Variants in HIVEP1 observed in about 807,000 individuals in gnomAD.
HIVEP1 encodes the protein HIVEP zinc finger 1, also known as zinc finger protein 40.
In HIVEP1, 36 loss-of-function variants were observed where a neutral mutation model predicts 180.0. The observed-to-expected ratio is 0.20, with a 90% CI of 0.15 to 0.26. The LOEUF (loss-of-function observed/expected upper bound fraction) is 0.26, where lower values mean the gene tolerates loss of function less well. Among genes scored for constraint, HIVEP1 ranks in the 10% least tolerant of loss-of-function variants. The pLI is 1.00. For missense variants in HIVEP1, 3,143 were observed against 3,268.7 expected (o/e 0.96, Z 0.94); for synonymous variants, 1,239 against 1,239.0 (o/e 1.00, Z 0.00).
At chr6:12,167,687 A>T (rs55741733), downstream of HIVEP1, among the ~76,000 whole-genome samples, 29 of 45,354 alleles carry the variant, frequency 6.4e-4, no homozygotes, top group African/African-American at 1.3e-3. Context: ...TATGTGTATA[A>T]TATATATACA....
chr6:12,113,114 A>T (rs1446398808), intron 3 of HIVEP1, among the ~76,000 whole-genome samples: 1 of 151,704 alleles, frequency 6.6e-6, no homozygotes, highest in Admixed American at 6.6e-5. Flanking sequence ...GTGCGGGCCC[A>T]TGTTAAAGAG....
chr6:12,092,672 C>T (rs1773551510), intron 3 of HIVEP1, among the ~76,000 whole-genome samples: 1 of 152,112 alleles, frequency 6.6e-6, no homozygotes, highest in South Asian at 2.1e-4. Context: ...CTATCAAGTA[C>T]ATGGTATGTT....
In HIVEP1 at chr6:12,123,049, A is replaced by G. The variant is rs1333229951; in HGVS notation, c.3254A>G (p.Asn1085Ser). Residue 1085 changes from asparagine to serine, a missense_variant, in exon 4 of 9, where the codon AAT becomes AGT. This residue lies in a region of HIVEP1 where 1,357 missense variants were observed against 1,260.5 expected (regional missense o/e 1.08). Transcript: ENST00000379388. ...ATAAGAAGTGACCAGCAGCATAAAA[A>G]TATACAGTTGCAAAACTCCCATATT... ...VTIRSDQQHK[N>S]IQLQNSHIHL... 1 of 1,614,096 alleles carries G rather than the reference A, an allele frequency of 6.2e-7. No homozygotes were observed. The highest frequency in any genetic ancestry group is 2.2e-5 in the East Asian group (1 of 44,900).
At chr6:12,104,414 C>CTCTT (rs772806336) in intron 3 of HIVEP1, among the ~76,000 whole-genome samples, 6 of 117,796 alleles carry the variant, frequency 5.1e-5, no homozygotes, top group African/African-American at 1.5e-4. Context: ...CTCTCTCTCT[C>CTCTT]CTTTTCTTTC....
chr6:12,150,733 G>A (rs1759654091), intron 7 of HIVEP1, among the ~76,000 whole-genome samples: 1 of 151,930 alleles, frequency 6.6e-6, no homozygotes. Context: ...ACTTCCTAAA[G>A]TTAAACATTA....
chr6:12,186,973 T>C, the HIVEP1 span, among the ~76,000 whole-genome samples: 1 of 151,740 alleles, frequency 6.6e-6, no homozygotes, highest in Non-Finnish European at 1.5e-5. Flanking sequence ...ACTAAAAAAG[T>C]CAGAAATGAA....
At chr6:12,150,255 C>G (rs919068174) in intron 7 of HIVEP1, among the ~76,000 whole-genome samples, 1 of 152,162 alleles carries the variant, frequency 6.6e-6, no homozygotes, top group Non-Finnish European at 1.5e-5. Flanking sequence ...TAGTTTTCAC[C>G]TTTTGTGTCA....
chr6:12,141,739 G>A (rs1414409809), intron 7 of HIVEP1, among the ~76,000 whole-genome samples: 7 of 114,638 alleles, frequency 6.1e-5, no homozygotes, highest in Admixed American at 2.0e-4. Flanking sequence ...TGCAATCCTA[G>A]TCTCTGATAA....
At chr6:12,207,972 C>G in the HIVEP1 span, among the ~76,000 whole-genome samples, 1 of 151,022 alleles carries the variant, frequency 6.6e-6, no homozygotes, top group Non-Finnish European at 1.5e-5. Flanking sequence ...GCTTTGAATT[C>G]AGCTGTGTCA....
intron 2 of HIVEP1, among the ~76,000 whole-genome samples, chr6:12,044,165 G>T (rs1159909042): frequency 6.6e-6 from 1 of 151,974 alleles, no homozygotes; most frequent in African/African-American, 2.4e-5. Flanking sequence ...TGGGTTTCTG[G>T]GCTCCTGAAT....
upstream of HIVEP1, among the ~76,000 whole-genome samples, chr6:12,010,907 C>G (rs1417111778): frequency 2.0e-5 from 3 of 152,148 alleles, no homozygotes; most frequent in East Asian, 3.9e-4. Context: ...TTCCCTGGAG[C>G]CCGGTCCGAC....
At position 12,161,885 on chromosome 6, in the gene HIVEP1, A is replaced by G. The variant is rs1222772550; in HGVS notation, c.6934A>G (p.Ile2312Val). The G allele has an allele frequency of 6.2e-7, 1 of 1,613,028 alleles. No homozygotes were observed. The highest frequency in any genetic ancestry group is 1.3e-5 in the African/African-American group (1 of 74,918). The part of the protein sequence containing the change: ...MSVDYPESEE[I>V]LRSSMAGKAV... Reference sequence around the variant, plus strand: ...TGTGGACTACCCTGAGTCAGAAGAAATTCTGAGAAGTTCTATGGCAGGAAA... The same window carrying G: ...TGTGGACTACCCTGAGTCAGAAGAAGTTCTGAGAAGTTCTATGGCAGGAAA... The change falls in exon 8 of 9, where the codon ATT becomes GTT. Residue 2312 changes from isoleucine (I) to valine (V), a missense_variant. Around this residue, in one of 12 missense-constraint regions of HIVEP1, gnomAD observed 595 missense variants for 602.2 expected, o/e 0.99. Transcript: ENST00000379388.
chr6:12,106,055 C>T (rs540862851), intron 3 of HIVEP1, among the ~76,000 whole-genome samples: 1 of 151,610 alleles, frequency 6.6e-6, no homozygotes, highest in African/African-American at 2.4e-5. Flanking sequence ...TATACACACA[C>T]ACATATATAC....
chr6:12,033,728 C>T (rs1334182067), intron 2 of HIVEP1, among the ~76,000 whole-genome samples: 8 of 152,070 alleles, frequency 5.3e-5, no homozygotes. Context: ...TGACAGAGTA[C>T]CTTATTCTAG....
chr6:12,089,210 C>G lies in HIVEP1; in HGVS notation c.67C>G (p.Leu23Val). 1 of 1,563,468 alleles carries G rather than the reference C, an allele frequency of 6.4e-7. No individual in the cohort carries two copies. Among genetic ancestry groups the G allele is most frequent in the Non-Finnish European group, 8.8e-7 (1 of 1,140,698 alleles). The change falls in exon 3 of 9, where the codon CTT (leucine) becomes GTT (valine). Residue 23 changes from leucine to valine, a missense_variant. By Grantham distance (32) the Leu-to-Val change is conservative. Around this residue, in one of 12 missense-constraint regions of HIVEP1, gnomAD observed 114 missense variants for 134.5 expected, o/e 0.85. Coordinates refer to ENST00000379388, the MANE Select transcript of HIVEP1 (RefSeq NM_002114.4). ...CAAAATTGAAGAAGCACAAAAAGAA[C>G]TTAATGGGGCAGAAGTTTCAAAAAA... ...RDKIEEAQKE[L>V]NGAEVSKKEI...
At chr6:12,168,450 G>T (rs561866451), downstream of HIVEP1, among the ~76,000 whole-genome samples, 3 of 144,726 alleles carry the variant, frequency 2.1e-5, no homozygotes, top group African/African-American at 7.5e-5. Flanking sequence ...TTACCAAGTG[G>T]GGAAAAAAAG....
At chr6:12,065,706 T>C (rs1010074075) in intron 2 of HIVEP1, among the ~76,000 whole-genome samples, 10 of 151,780 alleles carry the variant, frequency 6.6e-5, no homozygotes, top group African/African-American at 2.4e-4. Flanking sequence ...TGTGTGTGTG[T>C]GTGTGTGCAT....
intron 5 of HIVEP1, 69 bp downstream of exon 5, chr6:12,129,961 T>C: frequency 2.7e-6 from 3 of 1,103,972 alleles, no homozygotes; most frequent in Middle Eastern, 3.0e-4. Context: ...TGCTTTCATG[T>C]GAATGAAGAC....
intron 1 of HIVEP1, among the ~76,000 whole-genome samples, chr6:12,014,367 T>C (rs1307054776): frequency 2.6e-5 from 4 of 152,226 alleles, no homozygotes; most frequent in Non-Finnish European, 5.9e-5. Flanking sequence ...GACAAGTTAC[T>C]TATCCAATTT....
Sources: allele counts gnomAD v4.1 joint callset (sites outside exome capture counted in the v4.1 genomes callset), GRCh38; gene constraint gnomAD v4.1.1; regional missense constraint gnomAD v4.1.1; transcripts MANE v1.5; gene names NCBI Gene and HGNC (gene_info 2026-07-23, HGNC 2026-07-21).